Variants in PDE1A observed in about 807,000 individuals in gnomAD.
The protein encoded by PDE1A is dual specificity calcium/calmodulin-dependent 3',5'-cyclic nucleotide phosphodiesterase 1A.
Under a neutral mutation model 61.7 loss-of-function variants are expected in PDE1A, and 35 were observed. The observed-to-expected ratio is 0.57, with a 90% confidence interval of 0.43 to 0.75. The LOEUF is 0.75. Ranked by LOEUF, PDE1A falls within the 30% of genes least tolerant of loss-of-function variation. The pLI is 0.00. For missense variants in PDE1A, 597 were observed against 630.6 expected (o/e 0.95, Z 0.57); for synonymous variants, 232 against 213.2 (o/e 1.09, Z -0.77).
chr2:182,695,582 G>T, the PDE1A span, among the ~76,000 whole-genome samples: 3 of 150,546 alleles, frequency 2.0e-5, no homozygotes, highest in Non-Finnish European at 4.4e-5. Flanking sequence ...CAGGAGAATG[G>T]CGTGAACCCG....
the PDE1A span, among the ~76,000 whole-genome samples, chr2:182,697,217 G>C: frequency 6.6e-6 from 1 of 152,136 alleles, no homozygotes; most frequent in African/African-American, 2.4e-5. Context: ...GAAGGCAGGA[G>C]CACTCAACGG....
chr2:182,657,605 A>G, the PDE1A span, among the ~76,000 whole-genome samples: 1 of 152,222 alleles, frequency 6.6e-6, no homozygotes, highest in Non-Finnish European at 1.5e-5. Context: ...CTTCTGTGAC[A>G]TCAGAGAAAA....
chr2:182,402,638 C>A (rs1048796970), intron 1 of PDE1A, among the ~76,000 whole-genome samples: 1 of 152,160 alleles, frequency 6.6e-6, no homozygotes, highest in East Asian at 1.9e-4. Flanking sequence ...ATGACTAAAA[C>A]ACCAAAAGCA....
At chr2:182,225,642 T>A (rs1201586765) in intron 6 of PDE1A, among the ~76,000 whole-genome samples, 1 of 151,924 alleles carries the variant, frequency 6.6e-6, no homozygotes, top group East Asian at 1.9e-4. Context: ...ATGGCATTAG[T>A]AATCTTTCCC....
chr2:182,273,125 A>T (rs1559281386), intron 1 of PDE1A, among the ~76,000 whole-genome samples: 1 of 152,126 alleles, frequency 6.6e-6, no homozygotes, highest in Non-Finnish European at 1.5e-5. Flanking sequence ...AAGGACTAAA[A>T]GAGCTAAAAC....
intron 7 of PDE1A, among the ~76,000 whole-genome samples, chr2:182,212,901 G>C (rs1687772933): frequency 6.6e-6 from 1 of 151,928 alleles, no homozygotes. Flanking sequence ...AGCTCGAACT[G>C]GGTGGAGCCC....
At chr2:182,205,611 A>G (rs1687034820) in intron 8 of PDE1A, among the ~76,000 whole-genome samples, 1 of 152,234 alleles carries the variant, frequency 6.6e-6, no homozygotes, top group African/African-American at 2.4e-5. Context: ...TTTTGAATTT[A>G]TGTAACACCC....
chr2:182,405,574 T>G (rs190482652), intron 1 of PDE1A, among the ~76,000 whole-genome samples: 434 of 152,232 alleles, frequency 2.9e-3, no homozygotes, highest in Middle Eastern at 0.01. Context: ...TGTCAAAAAC[T>G]ACACTCACCA....
the PDE1A span, among the ~76,000 whole-genome samples, chr2:182,639,852 T>C: frequency 2.3e-5 from 3 of 132,018 alleles, no homozygotes; most frequent in African/African-American, 5.4e-5. Context: ...CTCTGAAACA[T>C]ATAATTTATA....
intron 1 of PDE1A, among the ~76,000 whole-genome samples, chr2:182,273,187 A>G (rs1693158450): frequency 6.6e-6 from 1 of 152,152 alleles, no homozygotes; most frequent in South Asian, 2.1e-4. Context: ...GATAATTAAA[A>G]AAAGAATTTT....
At chr2:182,535,510 T>C in the PDE1A span, among the ~76,000 whole-genome samples, 2 of 152,170 alleles carry the variant, frequency 1.3e-5, no homozygotes, top group African/African-American at 4.8e-5. Flanking sequence ...AAACTAGTGG[T>C]ATTTTTATAT....
chr2:182,707,192 C>A, the PDE1A span, among the ~76,000 whole-genome samples: 2 of 151,804 alleles, frequency 1.3e-5, no homozygotes, highest in African/African-American at 4.8e-5. Flanking sequence ...AATGTTTATA[C>A]CAGAAAAGAA....
the PDE1A span, among the ~76,000 whole-genome samples, chr2:182,598,432 C>T: frequency 2.6e-5 from 4 of 151,986 alleles, no homozygotes; most frequent in Non-Finnish European, 4.4e-5. Context: ...ATTAGCTAGG[C>T]ATGGTGGCGG....
chr2:182,638,707 A>C, the PDE1A span, among the ~76,000 whole-genome samples: 1 of 152,342 alleles, frequency 6.6e-6, no homozygotes, highest in African/African-American at 2.4e-5. Flanking sequence ...ATCATGACAA[A>C]GTGACAAAGT....
intron 1 of PDE1A, among the ~76,000 whole-genome samples, chr2:182,362,713 T>C (rs1699578857): frequency 6.6e-6 from 1 of 152,114 alleles, no homozygotes; most frequent in African/African-American, 2.4e-5. Context: ...ATCCCATTAC[T>C]GGGTATATAC....
At chr2:182,652,646 A>G in the PDE1A span, among the ~76,000 whole-genome samples, 2 of 152,034 alleles carry the variant, frequency 1.3e-5, no homozygotes, top group African/African-American at 4.8e-5. Flanking sequence ...ACCCACTTGT[A>G]CCCTATATTA....
intron 1 of PDE1A, among the ~76,000 whole-genome samples, chr2:182,382,789 T>G (rs763262270): frequency 9.9e-5 from 15 of 152,198 alleles, no homozygotes; most frequent in Non-Finnish European, 1.8e-4. Flanking sequence ...ACATCTATTT[T>G]TTTCTACTTT....
intron 1 of PDE1A, among the ~76,000 whole-genome samples, chr2:182,350,680 C>T (rs1041466746): frequency 1.3e-5 from 2 of 152,152 alleles, no homozygotes; most frequent in African/African-American, 4.8e-5. Flanking sequence ...CATTCACAGT[C>T]AAGAAGAGTG....
chr2:182,260,370 T>C (rs1692138118), intron 2 of PDE1A, among the ~76,000 whole-genome samples: 1 of 152,216 alleles, frequency 6.6e-6, no homozygotes, highest in Non-Finnish European at 1.5e-5. Context: ...TCCTTTTACA[T>C]AATCTCTGTT....
Sources: allele counts gnomAD v4.1 joint callset (sites outside exome capture counted in the v4.1 genomes callset), GRCh38; gene constraint gnomAD v4.1.1; transcripts MANE v1.5; gene names NCBI Gene and HGNC (gene_info 2026-07-23, HGNC 2026-07-21).